Variants in KATNBL1 observed in about 807,000 individuals in gnomAD.
KATNBL1 encodes katanin regulatory subunit B1 like 1.
Under a neutral mutation model 44.7 loss-of-function variants are expected in KATNBL1, and 28 were observed. That is an observed-to-expected ratio of 0.63 (90% CI 0.46 to 0.86). The LOEUF (loss-of-function observed/expected upper bound fraction) is 0.86, where lower values mean the gene tolerates loss of function less well. Among genes scored for constraint, KATNBL1 ranks in the 40% least tolerant of loss-of-function variants. KATNBL1 has a pLI of 0.00. For missense variants in KATNBL1, 272 were observed against 350.7 expected (o/e 0.78, Z 1.79); for synonymous variants, 78 against 114.9 (o/e 0.68, Z 2.06).
intron 2 of KATNBL1, among the ~76,000 whole-genome samples, chr15:34,157,682 G>A (rs1888677819): frequency 6.6e-6 from 1 of 152,172 alleles, no homozygotes; most frequent in Admixed American, 6.5e-5. Context: ...TCTCAACAGG[G>A]CAATGGGAAG....
At chr15:34,202,982 C>CT (rs1292133589) in intron 1 of KATNBL1, among the ~76,000 whole-genome samples, 2 of 152,102 alleles carry the variant, frequency 1.3e-5, no homozygotes, top group Non-Finnish European at 2.9e-5. Context: ...CAGCAAGACT[C>CT]TGTCTCAAAA....
intron 1 of KATNBL1, among the ~76,000 whole-genome samples, chr15:34,190,699 A>C (rs1889848103): frequency 2.0e-5 from 3 of 152,206 alleles, no homozygotes; most frequent in Admixed American, 6.5e-5. Context: ...TTTTAGCATC[A>C]AAAAAAGAGA....
chr15:34,179,231 A>C (rs34609634), intron 1 of KATNBL1, among the ~76,000 whole-genome samples: 5,106 of 152,334 alleles, frequency 0.034, 97 homozygotes, highest in Non-Finnish European at 0.045. Context: ...ATATCTAGCA[A>C]GGGCCTTTTT....
chr15:34,157,101 C>T (rs1888660822), intron 2 of KATNBL1, among the ~76,000 whole-genome samples: 3 of 152,184 alleles, frequency 2.0e-5, no homozygotes, highest in Non-Finnish European at 2.9e-5. Context: ...TTGCCTCTGG[C>T]TTGGCACATC....
chr15:34,156,660 G>A (rs780535107), intron 2 of KATNBL1, among the ~76,000 whole-genome samples: 5 of 152,126 alleles, frequency 3.3e-5, no homozygotes, highest in African/African-American at 7.2e-5. Context: ...TGTAGGCGGT[G>A]GGGGAGCAAT....
At position 34,196,358 on chromosome 15, in the gene KATNBL1, C is replaced by T. The variant is rs1162406193; in HGVS notation, c.-15+13593G>A. 3.3e-5 allele frequency among the ~76,000 whole-genome samples: 5 copies of T among 152,286 alleles called. No individual in the cohort carries two copies. In the East Asian group the frequency reaches 9.6e-4, roughly 29 times the overall value. ...GCGTGAACCCGGGAGGTGGAGGCTGCAGTGAGTCGAGACTGCATGACTGCA... is the reference window on the plus strand; with the variant it reads ...GCGTGAACCCGGGAGGTGGAGGCTGTAGTGAGTCGAGACTGCATGACTGCA... On this transcript the variant is annotated intron_variant, in intron 1 of 9. Coordinates refer to ENST00000256544, the MANE Select transcript of KATNBL1 (RefSeq NM_024713.3).
At chr15:34,159,329 G>C (rs778584398) in intron 2 of KATNBL1, among the ~76,000 whole-genome samples, 3 of 152,150 alleles carry the variant, frequency 2.0e-5, no homozygotes, top group African/African-American at 4.8e-5. Context: ...GAGATGAAAA[G>C]GCAGTTCTAG....
intron 1 of KATNBL1, among the ~76,000 whole-genome samples, chr15:34,206,565 G>A (rs1890296284): frequency 6.6e-6 from 1 of 152,172 alleles, no homozygotes; most frequent in Admixed American, 6.5e-5. Flanking sequence ...GCCGAGGTGG[G>A]CGGATCACCT....
chr15:34,204,309 G>A (rs934805733), intron 1 of KATNBL1, among the ~76,000 whole-genome samples: 1 of 152,188 alleles, frequency 6.6e-6, no homozygotes, highest in Non-Finnish European at 1.5e-5. Context: ...GGCACAGAAT[G>A]ATTCAGTCAG....
chr15:34,163,549 CAT>C lies in KATNBL1; in HGVS notation c.117+9_117+10del, dbSNP rs1232976269. 1 of 1,588,576 alleles carries C rather than the reference CAT, an allele frequency of 6.3e-7. No individual in the cohort carries two copies. The highest frequency in any genetic ancestry group is 2.3e-5 in the East Asian group (1 of 44,058). ...ATTGTCTTATCTGTTTTCTAGAAAC[CAT>C]AGACTTACCTCCTTCATGTTCTTAT... On this transcript the variant is annotated intron_variant, in intron 2 of 9. Transcript: ENST00000256544.
At chr15:34,175,796 C>T (rs540811918) in intron 1 of KATNBL1, among the ~76,000 whole-genome samples, 3 of 152,202 alleles carry the variant, frequency 2.0e-5, no homozygotes, top group Admixed American at 6.5e-5. Context: ...ACCCGGGAGG[C>T]GGAGGTTGCA....
chr15:34,199,040 G>T (rs1377702490), intron 1 of KATNBL1, among the ~76,000 whole-genome samples: 1 of 152,156 alleles, frequency 6.6e-6, no homozygotes, highest in African/African-American at 2.4e-5. Context: ...AAGAGAAATA[G>T]AGACAAATAC....
chr15:34,193,078 G>A (rs908823379), intron 1 of KATNBL1, among the ~76,000 whole-genome samples: 17 of 151,478 alleles, frequency 1.1e-4, no homozygotes, highest in Non-Finnish European at 2.1e-4. Context: ...TTAGCCGGGC[G>A]TAGTGGCGGG....
At chr15:34,199,599 C>T (rs1479841246) in intron 1 of KATNBL1, 1 of 152,362 alleles carries the variant, frequency 6.6e-6, no homozygotes, top group African/African-American at 2.4e-5. Flanking sequence ...AAGTCGTGGA[C>T]CTTCACGCTG....
intron 1 of KATNBL1, among the ~76,000 whole-genome samples, chr15:34,188,006 G>A (rs1012793585): frequency 4.6e-5 from 7 of 151,504 alleles, no homozygotes; most frequent in African/African-American, 1.7e-4. Flanking sequence ...AGGTGTGGTA[G>A]CAAGTGCCTG....
In KATNBL1 at chr15:34,184,069, C is replaced by T. The variant is rs918980742; in HGVS notation, c.-14-20379G>A. Among the ~76,000 whole-genome samples, 9 of 152,038 alleles carry T rather than the reference C, an allele frequency of 5.9e-5. No homozygotes were observed. The South Asian group carries it at 1.0e-3, about 18-fold the overall frequency. The stretch of plus-strand genomic sequence containing the variant: ...CTGTAATCCCAGCACTTTGGGAGGC[C>T]GAGGCGGGTGGATTACGAGGTCAGG... On this transcript the variant is annotated intron_variant, in intron 1 of 9. Transcript: ENST00000256544.
At chr15:34,188,669 A>C (rs1306357587) in intron 1 of KATNBL1, among the ~76,000 whole-genome samples, 1 of 152,246 alleles carries the variant, frequency 6.6e-6, no homozygotes, top group Non-Finnish European at 1.5e-5. Flanking sequence ...AGTTCTGTCC[A>C]TGCAATCAGC....
intron 1 of KATNBL1, chr15:34,209,323 CA>C (rs1281984854): frequency 2.0e-5 from 3 of 152,106 alleles, no homozygotes; most frequent in African/African-American, 7.2e-5. Context: ...TCTCTGTTTT[CA>C]AGGAACTTTA....
chr15:34,202,494 T>C (rs532308696), intron 1 of KATNBL1, among the ~76,000 whole-genome samples: 12 of 152,276 alleles, frequency 7.9e-5, no homozygotes, highest in Non-Finnish European at 1.3e-4. Context: ...GAGGATTATA[T>C]TACATCCCCA....
Sources: gnomAD v4.1 joint callset for allele counts (sites outside exome capture counted in the v4.1 genomes callset) on GRCh38, gnomAD v4.1.1 for gene constraint, MANE v1.5 for transcripts, NCBI Gene and HGNC (gene_info 2026-07-23, HGNC 2026-07-21) for gene names.